RYR1: variants seen among roughly 807,000 people sequenced by gnomAD.
The protein encoded by RYR1 is ryanodine receptor 1.
Under a neutral mutation model 583.5 loss-of-function variants are expected in RYR1, and 342 were observed. The ratio of observed to expected loss-of-function variants is 0.59; its 90% confidence interval spans 0.54 to 0.64. The LOEUF (loss-of-function observed/expected upper bound fraction) is 0.64. Among genes scored for constraint, RYR1 ranks in the 30% least tolerant of loss-of-function variants. The pLI is 0.00. For synonymous variants in RYR1, 2,791 were observed against 2,822.5 expected, an observed-to-expected ratio of 0.99 and a Z score of 0.35; for missense variants, 6,032 against 6,917.2, an observed-to-expected ratio of 0.87 and a Z score of 4.54.
chr19:38,496,172 G>C lies in RYR1; in HGVS notation c.6549-43G>C, dbSNP rs373146245. On this transcript the variant is annotated intron_variant, in intron 39 of 105. Coordinates refer to ENST00000359596, the MANE Select transcript of RYR1 (RefSeq NM_000540.3). This position sits in a 1 kb window ranked among gnomAD's most constrained non-coding sequence, Gnocchi z 4.8. ...ACAGTGGTGGCTATGGCCCTCTCCG[G>C]ACCTGGGCCCCTGGTGACCCCGCAC... 27 of 1,553,872 alleles carry C rather than the reference G, an allele frequency of 1.7e-5. No homozygotes were observed. The highest frequency in any genetic ancestry group is 5.4e-5 in the African/African-American group (4 of 73,714).
intron 102 of RYR1, 104 bp downstream of exon 102, chr19:38,585,203 C>A: frequency 1.5e-6 from 2 of 1,369,634 alleles, no homozygotes; most frequent in South Asian, 1.2e-5. Context: ...CCCATCTCTA[C>A]CTCTCGCTAC....
At chr19:38,583,349 C>T (rs886995485) in intron 101 of RYR1, among the ~76,000 whole-genome samples, 4 of 149,504 alleles carry the variant, frequency 2.7e-5, no homozygotes, top group African/African-American at 5.0e-5. Context: ...TGGGGTGACA[C>T]GCACCTGTAT....
intron 1 of RYR1, among the ~76,000 whole-genome samples, chr19:38,436,794 A>C (rs1161793532): frequency 1.3e-5 from 2 of 151,932 alleles, no homozygotes; most frequent in African/African-American, 4.8e-5. Context: ...TTCTTGCTCC[A>C]TTTTGCTTCG....
intron 76 of RYR1, among the ~76,000 whole-genome samples, chr19:38,531,958 A>G (rs532159062): frequency 4.5e-4 from 69 of 152,140 alleles, no homozygotes; most frequent in Non-Finnish European, 9.3e-4. Flanking sequence ...ACTGGACAGC[A>G]TGGACAACAT....
Position 38,561,424 on chromosome 19 carries a change from G to T in RYR1, c.12594G>T (p.Glu4198Asp). 1 of 1,611,102 alleles carries T rather than the reference G, an allele frequency of 6.2e-7. No homozygotes were observed. Residue 4198 changes from glutamate to aspartate, a missense_variant, in exon 90 of 106, where the codon GAG becomes GAT. Coordinates refer to ENST00000359596, the MANE Select transcript of RYR1 (RefSeq NM_000540.3). The surrounding 1 kb of genome is among the most constrained non-coding windows in gnomAD (Gnocchi z 4.8). The part of the protein sequence containing the change: ...RIERIYFEIS[E>D]TNRAQWEMPQ... The stretch of plus-strand genomic sequence containing the variant: ...AGCGCATCTACTTCGAGATCTCAGA[G>T]ACCAACCGCGCCCAGTGGGAGATGC...
intron 27 of RYR1, among the ~76,000 whole-genome samples, chr19:38,471,607 A>G (rs1968422507): frequency 6.6e-6 from 1 of 152,012 alleles, no homozygotes; most frequent in African/African-American, 2.4e-5. Context: ...ACCCCTAAAG[A>G]GTCTGAGAAC....
chr19:38,529,118 A>C, intron 76 of RYR1, 61 bp downstream of exon 76: 2 of 1,555,976 alleles, frequency 1.3e-6, no homozygotes, highest in Admixed American at 3.4e-5. Context: ...CCCCCAGCCC[A>C]GCAGCTTCCC....
chr19:38,444,834 A>C lies in RYR1; in HGVS notation c.631+157A>C. ...CACTTAGATCTCCAGCTGACCCCAA[A>C]TCCAGACCCCCAGAGCTCAGAACCC... On this transcript the variant is annotated intron_variant, in intron 7 of 105. Coordinates refer to ENST00000359596, the MANE Select transcript of RYR1 (RefSeq NM_000540.3). This position sits in a 1 kb window ranked among gnomAD's most constrained non-coding sequence, Gnocchi z 5.1. Among the ~76,000 whole-genome samples, 2 of 151,448 alleles carry C rather than the reference A, an allele frequency of 1.3e-5. No homozygotes were observed. The highest frequency in any genetic ancestry group is 1.5e-5 in the Non-Finnish European group (1 of 67,840).
intron 20 of RYR1, among the ~76,000 whole-genome samples, chr19:38,461,267 T>C (rs1161130211): frequency 6.6e-6 from 1 of 152,102 alleles, no homozygotes; most frequent in Admixed American, 6.5e-5. Context: ...ACCCCGTCTT[T>C]ATAGAAAAAA....
At chr19:38,448,938 G>A (rs939752345) in intron 11 of RYR1, 125 bp downstream of exon 11, 1 of 915,178 alleles carries the variant, frequency 1.1e-6, no homozygotes, top group Non-Finnish European at 1.7e-6. Context: ...AGTGAGATGG[G>A]GTGCAGGAGG....
rs1187757057 is a variant in RYR1 at position 38,502,534 on chromosome 19, C to T, written c.7642C>T (p.Leu2548=). 6.2e-7 allele frequency: 1 copy of T among 1,609,758 alleles called. No individual in the cohort carries two copies. The highest frequency in any genetic ancestry group is 1.7e-4 in the Middle Eastern group (1 of 6,060). Reference sequence around the variant, plus strand: ...CACTTTCAGCACCACCGAGATGGCGCTGGCGCTGAACCGCTACCTGTGCCT... The same window carrying T: ...CACTTTCAGCACCACCGAGATGGCGTTGGCGCTGAACCGCTACCTGTGCCT... The part of the protein sequence containing the change: ...TATFSTTEMA[L]ALNRYLCLAV... The change falls in exon 48 of 106, where the codon CTG becomes TTG. Residue 2548 remains leucine (L), a synonymous_variant. Coordinates refer to ENST00000359596, the MANE Select transcript of RYR1 (RefSeq NM_000540.3).
chr19:38,506,852 G>A lies in RYR1; in HGVS notation c.8716G>A (p.Val2906Ile), dbSNP rs775660642. 6 of 1,614,022 alleles carry A rather than the reference G, an allele frequency of 3.7e-6. No homozygotes were observed. The Admixed American group carries it at 1.0e-4, about 27-fold the overall frequency. Reference sequence around the variant, plus strand: ...AGGCGGTGGGACCCACCCCCTGCTGGTCCCCTACGACACGCTCACGGCCAA... The same window carrying A: ...AGGCGGTGGGACCCACCCCCTGCTGATCCCCTACGACACGCTCACGGCCAA... ...AKGGGTHPLL[V>I]PYDTLTAKEK... The change falls in exon 57 of 106, where the codon GTC becomes ATC. Residue 2906 changes from valine to isoleucine, a missense_variant. By Grantham distance (29) the Val-to-Ile change is conservative. Transcript: ENST00000359596.
chr19:38,461,459 G>A (rs1347321430), intron 20 of RYR1, among the ~76,000 whole-genome samples: 1 of 151,892 alleles, frequency 6.6e-6, no homozygotes, highest in African/African-American at 2.4e-5. Context: ...ACAAAGAAAG[G>A]GTGGCTCACA....
rs1245061560 is a variant in RYR1, at chr19:38,502,911, T to C, written c.7867T>C (p.Leu2623=). 3 of 1,611,876 alleles carry C rather than the reference T, an allele frequency of 1.9e-6. No individual in the cohort carries two copies. Among genetic ancestry groups the C allele is most frequent in the South Asian group, 2.2e-5 (2 of 91,068 alleles). ...YIRPSMLQHL[L]RRLVFDVPIL... ...CCGCCCGTCGATGCTGCAGCACCTG[T>C]TGCGCCGCCTGGTGTTCGACGTGCC... Residue 2623 remains leucine (L), a synonymous_variant, in exon 49 of 106, where the codon TTG becomes CTG. Coordinates refer to ENST00000359596, the MANE Select transcript of RYR1 (RefSeq NM_000540.3).
rs761784111 is a variant in RYR1 at position 38,505,955 on chromosome 19, G to A, written c.8541+9G>A. On this transcript the variant is annotated intron_variant, in intron 54 of 105. Coordinates refer to ENST00000359596, the MANE Select transcript of RYR1 (RefSeq NM_000540.3). Reference sequence around the variant, plus strand: ...TATCACAAAGTGCCCAGGTGAAGGCGGGGCCTGGGTGGAGGGCAGGGGCAC... The same window carrying A: ...TATCACAAAGTGCCCAGGTGAAGGCAGGGCCTGGGTGGAGGGCAGGGGCAC... 11 of 1,611,944 alleles carry A rather than the reference G, an allele frequency of 6.8e-6. No homozygotes were observed. Among genetic ancestry groups the A allele is most frequent in the Admixed American group, 1.7e-5 (1 of 59,948 alleles).
At chr19:38,557,586 C>A (rs931898845) in intron 89 of RYR1, among the ~76,000 whole-genome samples, 1 of 152,148 alleles carries the variant, frequency 6.6e-6, no homozygotes, top group Non-Finnish European at 1.5e-5. Flanking sequence ...AAAATGGGAA[C>A]AAGAGGGACA....
chr19:38,436,442 C>T (rs1600617075), intron 1 of RYR1, among the ~76,000 whole-genome samples: 1 of 152,052 alleles, frequency 6.6e-6, no homozygotes, highest in African/African-American at 2.4e-5. Context: ...CTCCTGGGCT[C>T]AAGAAATCCT....
intron 38 of RYR1, 95 bp downstream of exon 38, chr19:38,492,731 T>G: frequency 7.6e-7 from 1 of 1,321,996 alleles, no homozygotes; most frequent in South Asian, 1.3e-5. Flanking sequence ...TGAGGACAGA[T>G]GCAAGGGAGG....
At chr19:38,458,511 G>A (rs1967546988) in intron 18 of RYR1, among the ~76,000 whole-genome samples, 1 of 152,148 alleles carries the variant, frequency 6.6e-6, no homozygotes, top group African/African-American at 2.4e-5. Flanking sequence ...TCCCAGAGTA[G>A]GTGTGACCTC....
Sources: gnomAD v4.1 joint callset for allele counts (sites outside exome capture counted in the v4.1 genomes callset) on GRCh38, gnomAD v4.1.1 for gene constraint, Gnocchi (gnomAD v3.1) non-coding constraint, MANE v1.5 for transcripts, NCBI Gene and HGNC (gene_info 2026-07-23, HGNC 2026-07-21) for gene names.